RAI14: variants seen among roughly 807,000 people sequenced by gnomAD.
The protein encoded by RAI14 is ankycorbin.
RAI14 carries 45 observed loss-of-function variants against 115.4 expected under a neutral mutation model. That is an observed-to-expected ratio of 0.39 (90% confidence interval 0.31 to 0.50). The LOEUF (loss-of-function observed/expected upper bound fraction) is 0.50, where lower values mean the gene tolerates loss of function less well. RAI14 is among the 20% of genes least tolerant of loss of function. The probability of loss-of-function intolerance (pLI) is 0.85; values close to 1 mark genes in which losing one functional copy is unlikely to be tolerated. For missense variants in RAI14, 939 were observed against 1,131.2 expected (o/e 0.83, Z 2.44); for synonymous variants, 371 against 415.4 (o/e 0.89, Z 1.30).
intron 3 of RAI14, among the ~76,000 whole-genome samples, chr5:34,773,354 A>G (rs758869661): frequency 2.6e-5 from 4 of 152,218 alleles, no homozygotes; most frequent in Non-Finnish European, 5.9e-5. Context: ...GTCTAGGCAA[A>G]GATTTCATTG....
chr5:34,711,922 C>A (rs1157889554), intron 2 of RAI14, among the ~76,000 whole-genome samples: 1 of 151,944 alleles, frequency 6.6e-6, no homozygotes, highest in African/African-American at 2.4e-5. Flanking sequence ...ATTTTTTTTC[C>A]TTTTATTCTA....
intron 2 of RAI14, among the ~76,000 whole-genome samples, chr5:34,717,966 A>ATTTTTTTTTTTTTTTTT: frequency 7.5e-6 from 1 of 132,538 alleles, no homozygotes; most frequent in African/African-American, 3.1e-5. Context: ...GGGAAGCAGA[A>ATTTTTTTTTTTTTTTTT]TGTTTACTCA....
rs77017861 is a variant in RAI14 at position 34,661,301 on chromosome 5, G to T, written c.-49+4826G>T. Reference sequence around the variant, plus strand: ...AATCTATAATTTATATCAGTATTCTGTACTAGATTATGAGCTCTACAAAGG... The same window carrying T: ...AATCTATAATTTATATCAGTATTCTTTACTAGATTATGAGCTCTACAAAGG... On this transcript the variant is annotated intron_variant, in intron 1 of 17. Coordinates refer to ENST00000265109, the MANE Select transcript of RAI14 (RefSeq NM_015577.3). 5.9e-5 allele frequency among the ~76,000 whole-genome samples: 9 copies of T among 152,180 alleles called. No individual in the cohort carries two copies. In the East Asian group the frequency reaches 1.7e-3, roughly 29 times the overall value.
intron 3 of RAI14, among the ~76,000 whole-genome samples, chr5:34,786,752 A>G (rs2150178633): frequency 6.6e-6 from 1 of 152,266 alleles, no homozygotes; most frequent in South Asian, 2.1e-4. Flanking sequence ...ACTTGCCGAG[A>G]CCAGCTCGGT....
At position 34,726,983 on chromosome 5, in the gene RAI14, A is replaced by G. The variant is rs116138353; in HGVS notation, c.37-30485A>G. ...CTGTAAAGATACCCAAAAATGTGGA[A>G]GTGACTTGGGAGCTGGGTAACAGGC... On this transcript the variant is annotated intron_variant, in intron 2 of 17. Coordinates refer to ENST00000265109, the MANE Select transcript of RAI14 (RefSeq NM_015577.3). Among the ~76,000 whole-genome samples the G allele has an allele frequency of 3.0e-3, 457 of 152,340 alleles. 6 individuals carry two copies. The highest frequency in any genetic ancestry group is 0.01 in the African/African-American group (435 of 41,584).
intron 3 of RAI14, among the ~76,000 whole-genome samples, chr5:34,765,199 A>G (rs773027499): frequency 1.3e-5 from 2 of 152,224 alleles, no homozygotes; most frequent in Non-Finnish European, 2.9e-5. Context: ...ATGGACTAAC[A>G]TAGTAAATTG....
chr5:34,773,355 G>T (rs1750429126), intron 3 of RAI14, among the ~76,000 whole-genome samples: 2 of 152,150 alleles, frequency 1.3e-5, no homozygotes, highest in African/African-American at 2.4e-5. Flanking sequence ...TCTAGGCAAA[G>T]ATTTCATTGC....
intron 2 of RAI14, among the ~76,000 whole-genome samples, chr5:34,730,116 G>A (rs1175899513): frequency 2.0e-5 from 3 of 152,144 alleles, no homozygotes; most frequent in Non-Finnish European, 4.4e-5. Context: ...GAAGCAGGAT[G>A]ATGAATTATC....
At chr5:34,712,814 C>T (rs1374013108) in intron 2 of RAI14, among the ~76,000 whole-genome samples, 1 of 151,932 alleles carries the variant, frequency 6.6e-6, no homozygotes, top group African/African-American at 2.4e-5. Flanking sequence ...TATTAATGTA[C>T]ATTGTGAGTA....
intron 2 of RAI14, chr5:34,716,044 C>G (rs1434980216): frequency 8.9e-6 from 4 of 449,450 alleles, no homozygotes; most frequent in Non-Finnish European, 1.8e-5. Flanking sequence ...ACCATATTTC[C>G]TGTCCTCTAG....
Position 34,725,644 on chromosome 5 carries a change from C to T in RAI14, c.37-31824C>T, listed in dbSNP as rs140015687. Among the ~76,000 whole-genome samples, 447 of 151,882 alleles carry T rather than the reference C, an allele frequency of 2.9e-3. 3 individuals are homozygous for T. Among genetic ancestry groups the T allele is most frequent in the South Asian group, 0.022 (104 of 4,810 alleles). On this transcript the variant is annotated intron_variant, in intron 2 of 17. Coordinates refer to ENST00000265109, the MANE Select transcript of RAI14 (RefSeq NM_015577.3). The stretch of plus-strand genomic sequence containing the variant: ...AGCTACTAACTGAACATGAAGAATA[C>T]GTCACCGATAACCAAGTGCTGCAAT...
chr5:34,674,690 T>A (rs1025842319), intron 1 of RAI14, among the ~76,000 whole-genome samples: 1 of 151,638 alleles, frequency 6.6e-6, no homozygotes. Context: ...ATTCAAGCGA[T>A]TCTCCTGCTT....
intron 2 of RAI14, among the ~76,000 whole-genome samples, chr5:34,694,915 G>GTA (rs1194255449): frequency 1.3e-5 from 2 of 152,014 alleles, no homozygotes; most frequent in African/African-American, 4.8e-5. Flanking sequence ...GTGTATGTGT[G>GTA]TGTGACAGAG....
At chr5:34,809,595 G>A (rs564386549) in intron 7 of RAI14, among the ~76,000 whole-genome samples, 4 of 147,664 alleles carry the variant, frequency 2.7e-5, no homozygotes, top group African/African-American at 1.0e-4. Context: ...ATGAGCTCTG[G>A]CAGAGAGCTG....
chr5:34,792,680 A>G (rs1420855742), intron 3 of RAI14, among the ~76,000 whole-genome samples: 1 of 152,220 alleles, frequency 6.6e-6, no homozygotes, highest in Non-Finnish European at 1.5e-5. Context: ...ACTGAATCAC[A>G]TGAACTAGCA....
chr5:34,803,895 C>T, intron 5 of RAI14, 119 bp downstream of exon 5: 1 of 848,600 alleles, frequency 1.2e-6, no homozygotes, highest in African/African-American at 1.7e-5. Context: ...GTCCCCAAAC[C>T]TGTGTTTCCT....
chr5:34,774,712 A>G (rs1452934453), intron 3 of RAI14, among the ~76,000 whole-genome samples: 2 of 151,990 alleles, frequency 1.3e-5, no homozygotes, highest in African/African-American at 4.8e-5. Flanking sequence ...TACAGATTCA[A>G]TGCAATCCCT....
At chr5:34,665,425 A>C (rs1430944802) in intron 1 of RAI14, among the ~76,000 whole-genome samples, 7 of 150,726 alleles carry the variant, frequency 4.6e-5, no homozygotes, top group African/African-American at 1.7e-4. Context: ...CTGATGGAGA[A>C]TAAAAGGCCA....
At chr5:34,782,581 CCTT>C (rs528884452) in intron 3 of RAI14, among the ~76,000 whole-genome samples, 199 of 152,232 alleles carry the variant, frequency 1.3e-3, no homozygotes, top group Non-Finnish European at 2.1e-3. Context: ...TGTAGAGTGT[CCTT>C]CTAGATGCTT....
Sources: allele counts gnomAD v4.1 joint callset (sites outside exome capture counted in the v4.1 genomes callset), GRCh38; gene constraint gnomAD v4.1.1; transcripts MANE v1.5; gene names NCBI Gene and HGNC (gene_info 2026-07-23, HGNC 2026-07-21).